LIMD1: variants seen among roughly 807,000 people sequenced by gnomAD.
LIMD1 encodes the protein LIM domain-containing protein 1.
LIMD1 carries 23 observed loss-of-function variants against 58.4 expected under a neutral mutation model. The ratio of observed to expected loss-of-function variants is 0.39; its 90% CI spans 0.28 to 0.56. LIMD1 has a LOEUF of 0.56. Ranked by LOEUF, LIMD1 falls within the 20% of genes least tolerant of loss-of-function variation. The pLI is 0.57. For missense variants in LIMD1, 838 were observed against 855.5 expected, an observed-to-expected ratio of 0.98 and a Z score of 0.25; for synonymous variants, 334 against 345.5, an observed-to-expected ratio of 0.97 and a Z score of 0.37.
At chr3:45,601,063 C>CAAAACA (rs1418112837) in intron 1 of LIMD1, among the ~76,000 whole-genome samples, 2 of 151,990 alleles carry the variant, frequency 1.3e-5, no homozygotes, top group Non-Finnish European at 2.9e-5. Context: ...GACCCTGTCT[C>CAAAACA]AAAACAAAAA....
intron 2 of LIMD1, among the ~76,000 whole-genome samples, chr3:45,661,292 G>A (rs1213736608): frequency 6.6e-6 from 1 of 152,144 alleles, no homozygotes; most frequent in African/African-American, 2.4e-5. Flanking sequence ...TTATGTGTAT[G>A]AGTGTACACA....
chr3:45,651,340 A>C (rs993136238), intron 2 of LIMD1, among the ~76,000 whole-genome samples: 1 of 152,148 alleles, frequency 6.6e-6, no homozygotes, highest in African/African-American at 2.4e-5. Flanking sequence ...TAGTTTAATT[A>C]GATCCCATTT....
At chr3:45,660,943 G>A (rs947886107) in intron 2 of LIMD1, among the ~76,000 whole-genome samples, 1 of 152,178 alleles carries the variant, frequency 6.6e-6, no homozygotes, top group Non-Finnish European at 1.5e-5. Flanking sequence ...TTCTGATGAT[G>A]ATCCCTGAGA....
chr3:45,627,653 C>T (rs1287028970), intron 1 of LIMD1, among the ~76,000 whole-genome samples: 1 of 147,834 alleles, frequency 6.8e-6, no homozygotes, highest in Admixed American at 6.8e-5. Flanking sequence ...ATGAAAAAGC[C>T]CATTCTAAAG....
At chr3:45,668,878 C>T (rs1383871889) in intron 4 of LIMD1, among the ~76,000 whole-genome samples, 1 of 152,138 alleles carries the variant, frequency 6.6e-6, no homozygotes, top group Non-Finnish European at 1.5e-5. Context: ...TCCGATAATG[C>T]TTTCTCCTCC....
chr3:45,600,129 T>G (rs1227452429), intron 1 of LIMD1, among the ~76,000 whole-genome samples: 2 of 152,148 alleles, frequency 1.3e-5, no homozygotes. Context: ...ATTTGTTAAA[T>G]AATGGTTAGA....
At chr3:45,672,434 C>T (rs1697596939) in intron 4 of LIMD1, among the ~76,000 whole-genome samples, 1 of 152,184 alleles carries the variant, frequency 6.6e-6, no homozygotes, top group African/African-American at 2.4e-5. Context: ...GAAAGGAGCC[C>T]TCTTTCCCTG....
intron 1 of LIMD1, among the ~76,000 whole-genome samples, chr3:45,596,547 C>T (rs116248170): frequency 1.1e-3 from 168 of 152,284 alleles, no homozygotes; most frequent in African/African-American, 3.8e-3. Context: ...TTGCTCATGA[C>T]TGCTCTCAGA....
chr3:45,602,364 C>T (rs1701423828), intron 1 of LIMD1, among the ~76,000 whole-genome samples: 1 of 152,136 alleles, frequency 6.6e-6, no homozygotes, highest in African/African-American at 2.4e-5. Context: ...CCACATTCTG[C>T]TCGCTGTTAG....
At chr3:45,657,827 C>T (rs1446801905) in intron 2 of LIMD1, among the ~76,000 whole-genome samples, 1 of 152,198 alleles carries the variant, frequency 6.6e-6, no homozygotes, top group Non-Finnish European at 1.5e-5. Context: ...GGTGTGATTT[C>T]AAGTGATTCC....
chr3:45,599,412 A>G (rs963798215), intron 1 of LIMD1, among the ~76,000 whole-genome samples: 23 of 152,192 alleles, frequency 1.5e-4, no homozygotes, highest in Non-Finnish European at 3.1e-4. Context: ...TTTCATTTAG[A>G]AACGGAATCG....
In LIMD1 at chr3:45,635,951, A is replaced by G. The variant is rs868487230; in HGVS notation, c.1409-199A>G. ...GCAGGGAAAGTGGGACCTAAAGTCCAGCCTGGTAGCTGTTTTCTGCAGTTG... is the reference window on the plus strand; with the variant it reads ...GCAGGGAAAGTGGGACCTAAAGTCCGGCCTGGTAGCTGTTTTCTGCAGTTG... On this transcript the variant is annotated intron_variant, in intron 1 of 7. Coordinates refer to ENST00000273317, the MANE Select transcript of LIMD1 (RefSeq NM_014240.3). The G allele has an allele frequency of 4.9e-5, 48 of 985,210 alleles. 1 individual carries two copies. In the African/African-American group the frequency reaches 7.9e-4, roughly 16 times the overall value. The allele number at this position is 985,210 out of a possible 1,614,324, so 61.0% of individuals were successfully genotyped here.
At chr3:45,607,237 T>C (rs912925756) in intron 1 of LIMD1, among the ~76,000 whole-genome samples, 5 of 152,078 alleles carry the variant, frequency 3.3e-5, no homozygotes, top group Non-Finnish European at 7.4e-5. Context: ...TTATATCCAC[T>C]CCAGTTTTTG....
chr3:45,645,765 C>T (rs1033298869), intron 2 of LIMD1, among the ~76,000 whole-genome samples: 1 of 152,140 alleles, frequency 6.6e-6, no homozygotes, highest in Non-Finnish European at 1.5e-5. Context: ...GGTATCCCTT[C>T]TTCATGTGTC....
chr3:45,626,577 T>G (rs1378013960), intron 1 of LIMD1, among the ~76,000 whole-genome samples: 2 of 152,170 alleles, frequency 1.3e-5, no homozygotes, highest in Non-Finnish European at 2.9e-5. Flanking sequence ...CAGGGGTTTT[T>G]GGGGAGGAAC....
Position 45,643,819 on chromosome 3 carries a change from C to T in LIMD1, c.1510+7568C>T, listed in dbSNP as rs9879729. 2.7e-3 allele frequency among the ~76,000 whole-genome samples: 409 copies of T among 152,272 alleles called. 7 individuals are homozygous for T. The highest frequency in any genetic ancestry group is 9.3e-3 in the African/African-American group (385 of 41,538). ...CAGTGGAAGGCTGCAGAGGGCCAGA[C>T]GGGGTCCACTTGGGATGGTGCTGGA... On this transcript the variant is annotated intron_variant, in intron 2 of 7. Coordinates refer to ENST00000273317, the MANE Select transcript of LIMD1 (RefSeq NM_014240.3).
chr3:45,661,046 A>G (rs1338312483), intron 2 of LIMD1, among the ~76,000 whole-genome samples: 1 of 152,086 alleles, frequency 6.6e-6, no homozygotes, highest in African/African-American at 2.4e-5. Context: ...TCTAGAAGAG[A>G]GGGCAACAGT....
intron 2 of LIMD1, among the ~76,000 whole-genome samples, chr3:45,638,090 C>T (rs2125659230): frequency 6.6e-6 from 1 of 152,254 alleles, no homozygotes. Context: ...GATTGTTACC[C>T]TGTGGAGATT....
At chr3:45,596,400 C>T (rs1701352949) in intron 1 of LIMD1, 113 bp downstream of exon 1, 3 of 825,872 alleles carry the variant, frequency 3.6e-6, no homozygotes, top group East Asian at 2.7e-5. Context: ...CTTTGAGTGG[C>T]CTGTTTTTTT....
Sources: gnomAD v4.1 joint callset for allele counts (sites outside exome capture counted in the v4.1 genomes callset) on GRCh38, gnomAD v4.1.1 for gene constraint, MANE v1.5 for transcripts, NCBI Gene and HGNC (gene_info 2026-07-23, HGNC 2026-07-21) for gene names.